The following COL9A1 variants were observed in gnomAD, a reference collection of about 807,000 sequenced individuals.
COL9A1 encodes collagen alpha-1(IX) chain.
In COL9A1, 104 loss-of-function variants were observed where a neutral mutation model predicts 142.6. That is an observed-to-expected ratio of 0.73 (90% CI 0.62 to 0.86). The LOEUF is 0.86. Ranked by LOEUF, COL9A1 falls within the 40% of genes least tolerant of loss-of-function variation. The pLI, the probability that COL9A1 is intolerant of heterozygous loss-of-function variation, is 0.00. For missense variants in COL9A1, 1,210 were observed against 1,176.6 expected (o/e 1.03, Z -0.42); for synonymous variants, 466 against 396.0 (o/e 1.18, Z -2.10).
chr6:70,234,642 G>T, intron 34 of COL9A1, 49 bp from the exon 35 acceptor site: 1 of 1,611,060 alleles, frequency 6.2e-7, no homozygotes, highest in South Asian at 1.1e-5. Context: ...ACCATAAAGA[G>T]AACATTGTTA....
intron 20 of COL9A1, among the ~76,000 whole-genome samples, chr6:70,257,744 C>T (rs1424703481): frequency 1.3e-5 from 2 of 152,098 alleles, no homozygotes; most frequent in African/African-American, 2.4e-5. Flanking sequence ...GAGACCCTGT[C>T]TCAAAAACAC....
At chr6:70,255,042 G>A (rs13219431) in intron 23 of COL9A1, 26 bp from the exon 24 acceptor site, 6 of 1,613,712 alleles carry the variant, frequency 3.7e-6, no homozygotes, top group Non-Finnish European at 4.2e-6. Flanking sequence ...GAAACATACT[G>A]TCTCTTACAC....
At chr6:70,280,617 C>A (rs1773085976) in intron 10 of COL9A1, 195 bp downstream of exon 10, 1 of 1,293,316 alleles carries the variant, frequency 7.7e-7, no homozygotes, top group Non-Finnish European at 1.0e-6. Flanking sequence ...AGAGAGGTAT[C>A]CTCACCTTCA....
intron 4 of COL9A1, among the ~76,000 whole-genome samples, chr6:70,294,800 G>A (rs531763969): frequency 1.3e-5 from 2 of 152,252 alleles, no homozygotes; most frequent in East Asian, 3.9e-4. Flanking sequence ...CCTCCCTCAT[G>A]GCTAAGGAAG....
intron 18 of COL9A1, among the ~76,000 whole-genome samples, chr6:70,264,548 T>G (rs533032767): frequency 9.2e-5 from 14 of 152,142 alleles, no homozygotes; most frequent in African/African-American, 3.4e-4. Context: ...TCTACTTCTA[T>G]TTCCCTACAA....
chr6:70,224,153 G>C (rs1201836918), intron 37 of COL9A1, among the ~76,000 whole-genome samples: 1 of 152,180 alleles, frequency 6.6e-6, no homozygotes, highest in Non-Finnish European at 1.5e-5. Context: ...TAATAATTTT[G>C]TTTGTAAGCG....
At chr6:70,293,953 T>C (rs562220573) in intron 5 of COL9A1, among the ~76,000 whole-genome samples, 1 of 152,286 alleles carries the variant, frequency 6.6e-6, no homozygotes, top group Admixed American at 6.5e-5. Flanking sequence ...TCTTTCTAAG[T>C]TGCCTCAGAA....
chr6:70,232,151 T>C (rs1181508394), intron 36 of COL9A1, among the ~76,000 whole-genome samples: 2 of 152,230 alleles, frequency 1.3e-5, no homozygotes, highest in Non-Finnish European at 2.9e-5. Context: ...TACATCCTGT[T>C]AACAAATTTT....
chr6:70,255,432 T>G (rs780956299), intron 21 of COL9A1, 42 bp from the exon 22 acceptor site: 2 of 1,546,288 alleles, frequency 1.3e-6, no homozygotes, highest in Admixed American at 3.3e-5. Flanking sequence ...AAAAAGTTAC[T>G]TATTAATCAA....
chr6:70,268,221 C>CT (rs572260654), intron 17 of COL9A1, among the ~76,000 whole-genome samples: 1,867 of 146,730 alleles, frequency 0.013, 15 homozygotes, highest in Non-Finnish European at 0.02. Context: ...ATAGGAAGCA[C>CT]TTTTTTTTTT....
intron 12 of COL9A1, among the ~76,000 whole-genome samples, chr6:70,272,816 G>A (rs1447162478): frequency 6.6e-6 from 1 of 152,094 alleles, no homozygotes; most frequent in Non-Finnish European, 1.5e-5. Context: ...ACGGGGCCTA[G>A]CATATAACAA....
rs143261352 is a variant in COL9A1 at position 70,289,526 on chromosome 6, G to A, written c.696+4641C>T. The stretch of plus-strand genomic sequence containing the variant: ...TGAGGTTGTTAATGTGGTCTACAAC[G>A]CAGCAGGCTGAGTTTCATCTCCAAA... On this transcript the variant is annotated intron_variant, in intron 5 of 37. Transcript: ENST00000357250. Among the ~76,000 whole-genome samples the A allele has an allele frequency of 2.0e-3, 311 of 152,220 alleles. 2 individuals are homozygous for A. Among genetic ancestry groups the A allele is most frequent in the African/African-American group, 7.3e-3 (303 of 41,542 alleles).
intron 10 of COL9A1, chr6:70,275,172 A>G (rs867029698): frequency 8.9e-6 from 2 of 225,588 alleles, no homozygotes; most frequent in South Asian, 7.0e-5. Context: ...TTATGAAACA[A>G]AAATACTATG....
At chr6:70,274,582 G>T in intron 11 of COL9A1, 137 bp downstream of exon 11, 1 of 746,364 alleles carries the variant, frequency 1.3e-6, no homozygotes, top group Non-Finnish European at 2.4e-6. Context: ...ACATCATGGT[G>T]TTTTTAAACA....
At chr6:70,295,062 A>G (rs185222786) in intron 4 of COL9A1, among the ~76,000 whole-genome samples, 89 of 152,272 alleles carry the variant, frequency 5.8e-4, no homozygotes, top group African/African-American at 1.9e-3. Flanking sequence ...TGTTATTTCC[A>G]TAATTGCTTG....
chr6:70,257,152 C>T (rs1348916352), intron 20 of COL9A1, among the ~76,000 whole-genome samples: 2 of 150,448 alleles, frequency 1.3e-5, no homozygotes, highest in Non-Finnish European at 2.9e-5. Flanking sequence ...CCTCCGCCCC[C>T]TGGGTTCAAG....
chr6:70,286,647 C>T (rs1773462188), intron 5 of COL9A1, among the ~76,000 whole-genome samples: 1 of 152,174 alleles, frequency 6.6e-6, no homozygotes, highest in Admixed American at 6.5e-5. Flanking sequence ...CAGTTTATGA[C>T]CAAATGTTAG....
At chr6:70,288,153 C>T (rs1773524511) in intron 5 of COL9A1, among the ~76,000 whole-genome samples, 1 of 152,208 alleles carries the variant, frequency 6.6e-6, no homozygotes, top group African/African-American at 2.4e-5. Context: ...TCCCTGACAC[C>T]TGCTCTTCCC....
intron 33 of COL9A1, 33 bp downstream of exon 33, chr6:70,239,220 AT>A (rs1287475049): frequency 1.2e-5 from 16 of 1,383,412 alleles, no homozygotes; most frequent in Non-Finnish European, 1.5e-5. Context: ...AATGTTTTTA[AT>A]TTTTTTATAC....
Sources: allele counts gnomAD v4.1 joint callset (sites outside exome capture counted in the v4.1 genomes callset), GRCh38; gene constraint gnomAD v4.1.1; transcripts MANE v1.5; gene names NCBI Gene and HGNC (gene_info 2026-07-23, HGNC 2026-07-21).